KIF13A: variants seen among roughly 807,000 people sequenced by gnomAD.
KIF13A encodes the protein kinesin family member 13A, also known as kinesin-like protein KIF13A.
Under a neutral mutation model 212.2 loss-of-function variants are expected in KIF13A, and 79 were observed. That is an observed-to-expected ratio of 0.37 (90% CI 0.31 to 0.45). The LOEUF is 0.45. Among genes scored for constraint, KIF13A ranks in the 20% least tolerant of loss-of-function variants. The pLI is 1.00. For missense variants in KIF13A, 1,901 were observed against 2,209.0 expected, an observed-to-expected ratio of 0.86 and a Z score of 2.79; for synonymous variants, 789 against 808.6, an observed-to-expected ratio of 0.98 and a Z score of 0.41.
chr6:17,963,624 G>T lies in KIF13A; in HGVS notation c.146+23430C>A, dbSNP rs867026273. Among the ~76,000 whole-genome samples the T allele has an allele frequency of 2.0e-5, 3 of 152,114 alleles. No individual in the cohort carries two copies. Among genetic ancestry groups the T allele is most frequent in the Admixed American group, 2.0e-4 (3 of 15,276 alleles). ...CTAGGCTGGAGTGCTGCGCGTGATCGCAGCTTACTGCAACCTCCGCCTCCT... is the reference window on the plus strand; with the variant it reads ...CTAGGCTGGAGTGCTGCGCGTGATCTCAGCTTACTGCAACCTCCGCCTCCT... On this transcript the variant is annotated intron_variant, in intron 2 of 38. Transcript: ENST00000259711. The surrounding 1 kb of genome is among the most constrained non-coding windows in gnomAD (Gnocchi z 4.1).
chr6:17,810,285 C>T (rs1763320166), intron 17 of KIF13A, among the ~76,000 whole-genome samples: 1 of 152,244 alleles, frequency 6.6e-6, no homozygotes, highest in Non-Finnish European at 1.5e-5. Context: ...TCTTGCTCCA[C>T]TGCAAGACAG....
At chr6:17,832,587 A>G (rs1305568434) in intron 12 of KIF13A, among the ~76,000 whole-genome samples, 1 of 151,258 alleles carries the variant, frequency 6.6e-6, no homozygotes, top group African/African-American at 2.4e-5. Flanking sequence ...GCAGTGAGCC[A>G]AGATTGCGCC....
At chr6:17,795,051 A>C (rs924085677) in intron 23 of KIF13A, 1 of 207,182 alleles carries the variant, frequency 4.8e-6, no homozygotes, top group African/African-American at 2.3e-5. Flanking sequence ...CTCAGAGATT[A>C]GTTTTGCCTG....
At chr6:17,827,079 A>G (rs968527383) in intron 14 of KIF13A, among the ~76,000 whole-genome samples, 2 of 145,110 alleles carry the variant, frequency 1.4e-5, no homozygotes, top group Non-Finnish European at 3.1e-5. Context: ...ATTAAAAAAA[A>G]AATAAATAAA....
chr6:17,819,291 TG>T (rs1196991959), intron 16 of KIF13A, among the ~76,000 whole-genome samples: 1 of 152,110 alleles, frequency 6.6e-6, no homozygotes, highest in Non-Finnish European at 1.5e-5. Context: ...GGGCCAGGCG[TG>T]GTGGCTCACG....
chr6:17,905,180 T>C (rs1366324612), intron 2 of KIF13A, among the ~76,000 whole-genome samples: 1 of 152,260 alleles, frequency 6.6e-6, no homozygotes, highest in Non-Finnish European at 1.5e-5. Context: ...TAGTGTATTT[T>C]GTGTGTGGCT....
intron 4 of KIF13A, among the ~76,000 whole-genome samples, chr6:17,865,167 T>C (rs1301109075): frequency 6.6e-6 from 1 of 150,454 alleles, no homozygotes; most frequent in African/African-American, 2.5e-5. Flanking sequence ...AGATCAGACC[T>C]GGCATATGCA....
chr6:17,783,304 G>T lies in KIF13A; in HGVS notation c.3544+342C>A, dbSNP rs1372534331. 1.3e-5 allele frequency among the ~76,000 whole-genome samples: 2 copies of T among 152,202 alleles called. No individual in the cohort carries two copies. Among genetic ancestry groups the T allele is most frequent in the East Asian group, 3.8e-4 (2 of 5,196 alleles). ...ACTTCTGCCATCAAAACTATTTGAG[G>T]AGAGTTAAGGGCACTAGTCAGAGAT... On this transcript the variant is annotated intron_variant, in intron 29 of 38. Transcript: ENST00000259711. This position sits in a 1 kb window ranked among gnomAD's most constrained non-coding sequence, Gnocchi z 4.3.
chr6:17,979,538 C>T (rs1400334568), intron 2 of KIF13A, among the ~76,000 whole-genome samples: 1 of 152,106 alleles, frequency 6.6e-6, no homozygotes, highest in Admixed American at 6.5e-5. Flanking sequence ...TGAATCTAAG[C>T]ACTGAGAACA....
rs188492708 is a variant in KIF13A at position 17,973,385 on chromosome 6, A to G, written c.146+13669T>C. Among the ~76,000 whole-genome samples, 75 of 152,354 alleles carry G rather than the reference A, an allele frequency of 4.9e-4. 1 individual carries two copies. The highest frequency in any genetic ancestry group is 1.3e-4 in the Non-Finnish European group (9 of 68,034). On this transcript the variant is annotated intron_variant, in intron 2 of 38. Coordinates refer to ENST00000259711, the MANE Select transcript of KIF13A (RefSeq NM_022113.6). ...ATCCAGGATTCTCAGCTAGCTGATA[A>G]CGACTTCATGCTGCTGCTTTATTTC...
intron 25 of KIF13A, among the ~76,000 whole-genome samples, chr6:17,793,235 G>A (rs35262825): frequency 2.0e-5 from 3 of 151,774 alleles, no homozygotes; most frequent in African/African-American, 4.8e-5. Context: ...CATGCACCAC[G>A]ACACCTGGCT....
chr6:17,878,302 G>A (rs1295892111), intron 3 of KIF13A, among the ~76,000 whole-genome samples: 2 of 152,192 alleles, frequency 1.3e-5, no homozygotes, highest in African/African-American at 4.8e-5. Flanking sequence ...TGTGTTCAAG[G>A]ACTGTGTTTT....
At chr6:17,818,754 G>A (rs1764171945) in intron 16 of KIF13A, among the ~76,000 whole-genome samples, 1 of 151,918 alleles carries the variant, frequency 6.6e-6, no homozygotes, top group African/African-American at 2.4e-5. Context: ...GCTACAAAGT[G>A]ACAGGGTCAG....
In KIF13A at chr6:17,838,405, A is replaced by C. The variant is rs1168379652; in HGVS notation, c.831-822T>G. Among the ~76,000 whole-genome samples the C allele has an allele frequency of 6.6e-6, 1 of 152,196 alleles. No individual in the cohort carries two copies. The highest frequency in any genetic ancestry group is 2.4e-5 in the African/African-American group (1 of 41,454). The stretch of plus-strand genomic sequence containing the variant: ...TGAAAGACTAGACAGCTTTCTTTGT[A>C]ATGTTAACAATAGATTTCCATCAAA... On this transcript the variant is annotated intron_variant, in intron 9 of 38. Coordinates refer to ENST00000259711, the MANE Select transcript of KIF13A (RefSeq NM_022113.6). This position sits in a 1 kb window ranked among gnomAD's most constrained non-coding sequence, Gnocchi z 4.2.
At chr6:17,784,019 A>C (rs1760835956) in intron 28 of KIF13A, among the ~76,000 whole-genome samples, 1 of 152,238 alleles carries the variant, frequency 6.6e-6, no homozygotes, top group African/African-American at 2.4e-5. Flanking sequence ...GGACAGGATC[A>C]GAGCCTAGAG....
At position 17,779,018 on chromosome 6, in the gene KIF13A, T is replaced by C. The variant is rs545140596; in HGVS notation, c.4021A>G (p.Thr1341Ala). ...SENEGTSDGE[T>A]YIEKYTRGVL... ...CCTCGAGTGTACTTCTCAATGTACG[T>C]CTCCCCATCTGATGTGCCTTCGTTT... The change falls in exon 33 of 39, where the codon ACG (threonine) becomes GCG (alanine). Residue 1341 changes from threonine (T) to alanine (A), a missense_variant. Around this residue, in one of 5 missense-constraint regions of KIF13A, gnomAD observed 687 missense variants for 759.1 expected, o/e 0.90. Coordinates refer to ENST00000259711, the MANE Select transcript of KIF13A (RefSeq NM_022113.6). The C allele has an allele frequency of 6.2e-7, 1 of 1,613,614 alleles. No individual in the cohort carries two copies. The highest frequency in any genetic ancestry group is 1.3e-5 in the African/African-American group (1 of 74,974).
Position 17,839,291 on chromosome 6 carries a change from C to T in KIF13A, c.831-1708G>A, listed in dbSNP as rs1766280244. On this transcript the variant is annotated intron_variant, in intron 9 of 38. Transcript: ENST00000259711. This position sits in a 1 kb window ranked among gnomAD's most constrained non-coding sequence, Gnocchi z 4.3. Reference sequence around the variant, plus strand: ...ATACTTGACAGATTTAAAGGTGAAACAAATCTAACCCAAGAGAAGTGAAAA... The same window carrying T: ...ATACTTGACAGATTTAAAGGTGAAATAAATCTAACCCAAGAGAAGTGAAAA... Among the ~76,000 whole-genome samples the T allele has an allele frequency of 6.6e-6, 1 of 151,986 alleles. No individual in the cohort carries two copies.
chr6:17,795,912 A>T (rs1052721201), intron 23 of KIF13A, among the ~76,000 whole-genome samples: 10 of 152,144 alleles, frequency 6.6e-5, no homozygotes, highest in African/African-American at 2.4e-4. Flanking sequence ...TTATAGTTTA[A>T]GTTGTTGTAT....
intron 2 of KIF13A, among the ~76,000 whole-genome samples, chr6:17,960,525 G>C (rs1778720506): frequency 6.6e-6 from 1 of 152,074 alleles, no homozygotes; most frequent in African/African-American, 2.4e-5. Context: ...TGACCATTTT[G>C]GGGTAATAAC....
Sources: gnomAD v4.1 joint callset for allele counts (sites outside exome capture counted in the v4.1 genomes callset) on GRCh38, gnomAD v4.1.1 for gene constraint, gnomAD v4.1.1 regional missense constraint, Gnocchi (gnomAD v3.1) non-coding constraint, MANE v1.5 for transcripts, NCBI Gene and HGNC (gene_info 2026-07-23, HGNC 2026-07-21) for gene names.